The following PASK variants were observed in gnomAD, a reference collection of about 807,000 sequenced individuals.
PASK encodes PAS domain-containing serine/threonine-protein kinase.
Under a neutral mutation model 121.0 loss-of-function variants are expected in PASK, and 110 were observed. The observed-to-expected ratio is 0.91, with a 90% CI of 0.78 to 1.06. The LOEUF (loss-of-function observed/expected upper bound fraction) is 1.06, where lower values mean the gene tolerates loss of function less well. Among genes scored for constraint, PASK ranks in the 50% least tolerant of loss-of-function variants. The pLI, the probability that PASK is intolerant of heterozygous loss-of-function variation, is 0.00. For synonymous variants in PASK, 686 were observed against 717.8 expected (o/e 0.96, Z 0.71); for missense variants, 1,643 against 1,702.3 (o/e 0.97, Z 0.61).
In PASK at chr2:241,127,408, G is replaced by A; in HGVS notation, c.1507C>T (p.Gln503Ter). 2 of 1,614,132 alleles carry A rather than the reference G, an allele frequency of 1.2e-6. No homozygotes were observed. Among genetic ancestry groups the A allele is most frequent in the Non-Finnish European group, 1.7e-6 (2 of 1,179,968 alleles). ...PEGSLPVHGE[Q>*]ALPKDQQITA... ...ATTTGCTGGTCCTTGGGCAGCGCCTGTTCACCGTGCACTGGCAGGCTTCCT... is the reference window on the plus strand; with the variant it reads ...ATTTGCTGGTCCTTGGGCAGCGCCTATTCACCGTGCACTGGCAGGCTTCCT... The change falls in exon 10 of 18, where the codon CAG (glutamine) becomes TAG (stop). Residue 503 changes from glutamine (Q) to a stop codon, truncating the protein, a stop_gained. Coordinates refer to ENST00000234040, the MANE Select transcript of PASK (RefSeq NM_015148.4). LOFTEE classifies it high-confidence loss of function.
rs1186542359 is a variant in PASK at position 241,140,903 on chromosome 2, T to C, written c.197-150A>G. The C allele has an allele frequency of 3.1e-5, 21 of 684,260 alleles. No individual in the cohort carries two copies. The Admixed American group carries it at 4.4e-4, about 14-fold the overall frequency. 42.4% of individuals were successfully genotyped at this position (684,260 alleles called of 1,614,324 possible). On this transcript the variant is annotated intron_variant, in intron 2 of 17. Transcript: ENST00000234040. ...CTGCACAGCTAACACACACTCTCAC[T>C]GCGTGTCTGAACATGGTCCCCAGAA...
At chr2:241,142,675 C>T (rs1427966790) in intron 2 of PASK, among the ~76,000 whole-genome samples, 162 bp downstream of exon 2, 2 of 152,178 alleles carry the variant, frequency 1.3e-5, no homozygotes, top group Admixed American at 6.5e-5. Context: ...AGGGTCCTGC[C>T]GGAGTCATCT....
chr2:241,141,825 C>A (rs563815966), intron 2 of PASK, among the ~76,000 whole-genome samples: 1 of 152,244 alleles, frequency 6.6e-6, no homozygotes, highest in South Asian at 2.1e-4. Context: ...CTGACCCCGA[C>A]CATTCTCTGA....
chr2:241,109,697 AGGG>A, intron 15 of PASK: 1 of 152,348 alleles, frequency 6.6e-6, no homozygotes, highest in Non-Finnish European at 1.5e-5. Flanking sequence ...TGAGAGCTGT[AGGG>A]GCTAGAGCAA....
intron 14 of PASK, chr2:241,114,249 C>T: frequency 1.0e-6 from 1 of 985,378 alleles, no homozygotes; most frequent in Non-Finnish European, 1.2e-6. Context: ...GCCTGAGAAA[C>T]TAAACTTCGG....
upstream of PASK, chr2:241,149,748 G>GA (rs975505412): frequency 1.3e-6 from 2 of 1,542,394 alleles, no homozygotes; most frequent in African/African-American, 2.7e-5. Context: ...GCCTCTTTCT[G>GA]AAGGCGGAGG....
At chr2:241,109,200 T>C (rs7566357) in intron 15 of PASK, 36,928 of 134,932 alleles carry the variant, frequency 0.27, 7,816 homozygotes, top group African/African-American at 0.6. Context: ...GAGATGCCAA[T>C]GCTGTACCAG....
rs377507108 is a variant in PASK at position 241,126,808 on chromosome 2, C to G, written c.2107G>C (p.Asp703His). ...PVSSCDLGGRDLCGGCTGSSS... is the reference protein window; with the variant it reads ...PVSSCDLGGRHLCGGCTGSSS... ...CTGCCCGTGCAGCCACCGCACAGGT[C>G]TCTGCCTCCCAGATCGCAGGACGAC... Residue 703 changes from aspartate to histidine, a missense_variant, in exon 10 of 18, where the codon GAC becomes CAC. This residue lies in a region of PASK where 1,176 missense variants were observed against 1,162.2 expected (regional missense o/e 1.01). Transcript: ENST00000234040. 1.2e-6 allele frequency: 2 copies of G among 1,613,800 alleles called. No individual in the cohort carries two copies. Among genetic ancestry groups the G allele is most frequent in the Non-Finnish European group, 1.7e-6 (2 of 1,179,810 alleles).
Position 241,135,933 on chromosome 2 carries a change from C to T in PASK, c.1244G>A (p.Ser415Asn). Residue 415 changes from serine to asparagine, a missense_variant, in exon 8 of 18, where the codon AGT (serine) becomes AAT (asparagine). This residue lies in a region of PASK where 1,176 missense variants were observed against 1,162.2 expected (regional missense o/e 1.01). Transcript: ENST00000234040. ...GTCCAAGGTTCTCTCCCCACACCCA[C>T]TCTCATTGCCGACGTCCAGGCAGCT... ...LASCLDVGNE[S>N]GCGERTLDPW... The T allele has an allele frequency of 6.2e-7, 1 of 1,614,260 alleles. No homozygotes were observed. Among genetic ancestry groups the T allele is most frequent in the Non-Finnish European group, 8.5e-7 (1 of 1,180,044 alleles).
At chr2:241,137,500 G>A (rs1422777373) in intron 6 of PASK, among the ~76,000 whole-genome samples, 1 of 152,220 alleles carries the variant, frequency 6.6e-6, no homozygotes, top group African/African-American at 2.4e-5. Context: ...AGCAACCCCA[G>A]GGCAAGTGAG....
At chr2:241,136,941 G>T in intron 7 of PASK, 63 bp downstream of exon 7, 2 of 1,504,666 alleles carry the variant, frequency 1.3e-6, no homozygotes, top group Non-Finnish European at 1.8e-6. Context: ...ACGCAAGCCC[G>T]CACTGCAGAG....
chr2:241,138,578 G>A, intron 5 of PASK, 76 bp downstream of exon 5: 1 of 1,516,560 alleles, frequency 6.6e-7, no homozygotes, highest in South Asian at 1.1e-5. Flanking sequence ...AATGAGACAG[G>A]GACCAGCACT....
At chr2:241,129,142 G>A (rs189884845) in intron 9 of PASK, among the ~76,000 whole-genome samples, 2 of 152,076 alleles carry the variant, frequency 1.3e-5, no homozygotes, top group Non-Finnish European at 2.9e-5. Flanking sequence ...CCTCCTGCAG[G>A]ATCAGGTAAG....
At chr2:241,129,288 T>C (rs560394435) in intron 9 of PASK, among the ~76,000 whole-genome samples, 27 of 152,312 alleles carry the variant, frequency 1.8e-4, no homozygotes, top group Admixed American at 1.5e-3. Flanking sequence ...TCTTGGGGCC[T>C]TAGCGGGCTG....
At chr2:241,146,358 A>C (rs2066953755) in intron 1 of PASK, among the ~76,000 whole-genome samples, 1 of 152,372 alleles carries the variant, frequency 6.6e-6, no homozygotes, top group East Asian at 1.9e-4. Flanking sequence ...TTTATATTTC[A>C]GAGAAATTTT....
upstream of PASK, chr2:241,149,482 C>G (rs1030885455): frequency 3.1e-5 from 20 of 642,016 alleles, no homozygotes; most frequent in Middle Eastern, 4.2e-4. Context: ...CGCTTTTATC[C>G]CACCGACCAA....
intron 10 of PASK, among the ~76,000 whole-genome samples, chr2:241,124,753 C>G (rs2065778160): frequency 6.6e-6 from 1 of 152,130 alleles, no homozygotes; most frequent in Admixed American, 6.5e-5. Flanking sequence ...AATGTTTCTA[C>G]AAATAACACG....
chr2:241,142,784 C>T, intron 2 of PASK, 53 bp downstream of exon 2: 1 of 1,316,178 alleles, frequency 7.6e-7, no homozygotes. Context: ...CACAGAGCAA[C>T]TCCACATTTG....
intron 10 of PASK, 29 bp from the exon 11 acceptor site, chr2:241,124,162 G>T (rs768885233): frequency 1.9e-6 from 3 of 1,599,588 alleles, no homozygotes; most frequent in Non-Finnish European, 8.6e-7. Context: ...AGAACGCACA[G>T]GCCTGTGCTG....
Sources: gnomAD v4.1 joint callset for allele counts (sites outside exome capture counted in the v4.1 genomes callset) on GRCh38, gnomAD v4.1.1 for gene constraint, gnomAD v4.1.1 regional missense constraint, MANE v1.5 for transcripts, NCBI Gene and HGNC (gene_info 2026-07-23, HGNC 2026-07-21) for gene names.